AFAP1L2: variants seen among roughly 807,000 people sequenced by gnomAD.
AFAP1L2 encodes actin filament associated protein 1 like 2, also known as actin filament-associated protein 1-like 2.
A neutral mutation model predicts 99.3 loss-of-function variants in AFAP1L2; 46 were observed. The observed-to-expected ratio is 0.46, with a 90% CI of 0.37 to 0.59. The LOEUF (loss-of-function observed/expected upper bound fraction) is 0.59, where lower values mean the gene tolerates loss of function less well. Ranked by LOEUF, AFAP1L2 falls within the 20% of genes least tolerant of loss-of-function variation. The pLI, the probability that AFAP1L2 is intolerant of heterozygous loss-of-function variation, is 0.00. For missense variants in AFAP1L2, 959 were observed against 1,034.9 expected (o/e 0.93, Z 1.01); for synonymous variants, 397 against 419.1 (o/e 0.95, Z 0.64).
chr10:114,323,455 C>T (rs1292243773), intron 4 of AFAP1L2, among the ~76,000 whole-genome samples, 194 bp from the exon 5 acceptor site: 1 of 152,142 alleles, frequency 6.6e-6, no homozygotes, highest in African/African-American at 2.4e-5. Flanking sequence ...TCTGTAGCCA[C>T]GGAAGGGCTG....
At chr10:114,373,928 C>T (rs755561028) in intron 1 of AFAP1L2, among the ~76,000 whole-genome samples, 7 of 152,096 alleles carry the variant, frequency 4.6e-5, no homozygotes, top group Non-Finnish European at 8.8e-5. Context: ...AGGTCCACAG[C>T]GGACAGAAGA....
chr10:114,286,014 G>C, the AFAP1L2 span: 1 of 1,614,090 alleles, frequency 6.2e-7, no homozygotes, highest in South Asian at 1.1e-5. Flanking sequence ...ACTCTGGACG[G>C]CTTCCTGCGG....
chr10:114,402,280 T>G (rs1039533896), intron 1 of AFAP1L2, among the ~76,000 whole-genome samples: 3 of 152,220 alleles, frequency 2.0e-5, no homozygotes, highest in African/African-American at 7.2e-5. Context: ...TTTTGCATTT[T>G]GCATAGAGGA....
At chr10:114,316,746 GATCT>G (rs2044209546) in intron 5 of AFAP1L2, among the ~76,000 whole-genome samples, 1 of 152,142 alleles carries the variant, frequency 6.6e-6, no homozygotes, top group African/African-American at 2.4e-5. Flanking sequence ...TCGATTGATT[GATCT>G]ATCTCTCTCT....
chr10:114,325,901 C>A lies in AFAP1L2; in HGVS notation c.316-2640G>T, dbSNP rs1486506649. 4 of 1,289,098 alleles carry A rather than the reference C, an allele frequency of 3.1e-6. No individual in the cohort carries two copies. The African/African-American group carries it at 4.6e-5, about 15-fold the overall frequency. 79.9% of individuals were successfully genotyped at this position (1,289,098 alleles called of 1,614,324 possible). A position where few individuals can be genotyped will look rare whatever the true frequency, so the allele number is the denominator to read the frequency against. On this transcript the variant is annotated intron_variant, in intron 4 of 18. Transcript: ENST00000304129. Reference sequence around the variant, plus strand: ...TCTCGCCTCTGTGGCAGTAAGGTCTCCCCAGTGGGTCCCAGGGCTCATCAG... The same window carrying A: ...TCTCGCCTCTGTGGCAGTAAGGTCTACCCAGTGGGTCCCAGGGCTCATCAG...
intron 1 of AFAP1L2, among the ~76,000 whole-genome samples, chr10:114,399,394 A>T (rs1022965679): frequency 3.3e-5 from 5 of 152,182 alleles, no homozygotes; most frequent in Non-Finnish European, 5.9e-5. Context: ...AGGAGAGTTT[A>T]ACTGAGCAGG....
At chr10:114,289,575 A>G in the AFAP1L2 span, 3 of 1,466,226 alleles carry the variant, frequency 2.0e-6, no homozygotes, top group Non-Finnish European at 2.8e-6. Flanking sequence ...CGAGGATGGC[A>G]GCTCTTCCCA....
At chr10:114,297,815 T>C (rs2040500235) in intron 16 of AFAP1L2, among the ~76,000 whole-genome samples, 1 of 152,204 alleles carries the variant, frequency 6.6e-6, no homozygotes, top group South Asian at 2.1e-4. Flanking sequence ...TCCCTACGCC[T>C]AACAGAGCAG....
intron 10 of AFAP1L2, among the ~76,000 whole-genome samples, chr10:114,305,855 G>A (rs2042232050): frequency 7.1e-6 from 1 of 141,710 alleles, no homozygotes; most frequent in Non-Finnish European, 1.5e-5. Context: ...GGTGCAGGAG[G>A]GGACGCGGGT....
intron 1 of AFAP1L2, among the ~76,000 whole-genome samples, chr10:114,345,954 G>A (rs1263645004): frequency 2.6e-5 from 4 of 152,110 alleles, no homozygotes; most frequent in South Asian, 4.2e-4. Context: ...GTGGAGACGT[G>A]GAAAGCCATC....
intron 4 of AFAP1L2, among the ~76,000 whole-genome samples, chr10:114,327,765 A>G (rs565197707): frequency 6.6e-6 from 1 of 152,336 alleles, no homozygotes; most frequent in East Asian, 1.9e-4. Flanking sequence ...AGATTTGGCC[A>G]GTGAGCTACA....
chr10:114,403,700 C>G (rs1054605928), intron 1 of AFAP1L2, among the ~76,000 whole-genome samples: 3 of 152,172 alleles, frequency 2.0e-5, no homozygotes, highest in African/African-American at 2.4e-5. Context: ...GTCCGGCGCA[C>G]CCGGGACGGC....
chr10:114,308,049 T>C, intron 9 of AFAP1L2, 140 bp from the exon 10 acceptor site: 2 of 699,836 alleles, frequency 2.9e-6, no homozygotes, highest in East Asian at 2.7e-5. Flanking sequence ...TATGCACGCA[T>C]ACACACACAC....
intron 1 of AFAP1L2, among the ~76,000 whole-genome samples, chr10:114,399,495 T>C (rs1382438315): frequency 1.3e-5 from 2 of 152,212 alleles, no homozygotes; most frequent in Non-Finnish European, 2.9e-5. Context: ...TGAAAAGGAA[T>C]TCTACCCTTT....
At chr10:114,307,783 C>T (rs757873875) in intron 10 of AFAP1L2, 22 bp downstream of exon 10, 108 of 1,602,586 alleles carry the variant, frequency 6.7e-5, no homozygotes, top group Non-Finnish European at 8.7e-5. Flanking sequence ...CCTGTGGTCC[C>T]GGAGGTAGCT....
chr10:114,294,492 T>G (rs749587219), downstream of AFAP1L2, among the ~76,000 whole-genome samples: 1 of 152,236 alleles, frequency 6.6e-6, no homozygotes, highest in Non-Finnish European at 1.5e-5. Context: ...GCTATAAACT[T>G]CCTTAATTAC....
intron 1 of AFAP1L2, among the ~76,000 whole-genome samples, chr10:114,372,423 T>G (rs1275275784): frequency 6.6e-6 from 1 of 152,178 alleles, no homozygotes; most frequent in Non-Finnish European, 1.5e-5. Flanking sequence ...GGGGCAGGGT[T>G]TGCCACCCGT....
At chr10:114,303,308 C>G (rs1396819473) in intron 11 of AFAP1L2, among the ~76,000 whole-genome samples, 1 of 152,046 alleles carries the variant, frequency 6.6e-6, no homozygotes, top group Non-Finnish European at 1.5e-5. Flanking sequence ...TTCCTTTTCC[C>G]AGTTTTTTTT....
chr10:114,362,175 T>C (rs988475987), intron 1 of AFAP1L2, among the ~76,000 whole-genome samples: 1 of 152,176 alleles, frequency 6.6e-6, no homozygotes, highest in Non-Finnish European at 1.5e-5. Context: ...GGGAATTAAA[T>C]GCAATGACAC....
Sources: allele counts gnomAD v4.1 joint callset (sites outside exome capture counted in the v4.1 genomes callset), GRCh38; gene constraint gnomAD v4.1.1; transcripts MANE v1.5; gene names NCBI Gene and HGNC (gene_info 2026-07-23, HGNC 2026-07-21).